SLC10A7: variants seen among roughly 807,000 people sequenced by gnomAD.
SLC10A7 encodes the protein sodium/bile acid cotransporter 7.
In SLC10A7, 29 loss-of-function variants were observed where a neutral mutation model predicts 43.2. That is an observed-to-expected ratio of 0.67 (90% CI 0.50 to 0.92). The LOEUF is 0.92. Among genes scored for constraint, SLC10A7 ranks in the 40% least tolerant of loss-of-function variants. The pLI is 0.00. For missense variants in SLC10A7, 295 were observed against 403.2 expected (o/e 0.73, Z 2.30); for synonymous variants, 152 against 144.8 (o/e 1.05, Z -0.35).
chr4:146,308,649 G>T (rs1731750581), intron 6 of SLC10A7, among the ~76,000 whole-genome samples: 1 of 152,082 alleles, frequency 6.6e-6, no homozygotes, highest in African/African-American at 2.4e-5. Flanking sequence ...GGTTCAGAAG[G>T]TTGTATCAAG....
chr4:146,366,253 A>AT (rs1736383029), intron 5 of SLC10A7, among the ~76,000 whole-genome samples: 1 of 152,164 alleles, frequency 6.6e-6, no homozygotes, highest in Non-Finnish European at 1.5e-5. Flanking sequence ...AATTTTTCTG[A>AT]TTTTTTAAAA....
intron 4 of SLC10A7, among the ~76,000 whole-genome samples, chr4:146,445,204 T>C (rs1478536219): frequency 2.0e-5 from 3 of 152,194 alleles, no homozygotes; most frequent in African/African-American, 2.4e-5. Context: ...CCCCCTCTTC[T>C]ACTTTGGTAA....
chr4:146,402,898 C>A (rs374011580), intron 5 of SLC10A7, among the ~76,000 whole-genome samples: 1 of 152,150 alleles, frequency 6.6e-6, no homozygotes, highest in Non-Finnish European at 1.5e-5. Flanking sequence ...TGGTTAAGAG[C>A]ACAGCTTCAA....
intron 6 of SLC10A7, among the ~76,000 whole-genome samples, chr4:146,318,125 A>C (rs1732452015): frequency 6.6e-6 from 1 of 151,754 alleles, no homozygotes; most frequent in Admixed American, 6.6e-5. Context: ...TATGCCACTA[A>C]TTTTCCCAAT....
intron 5 of SLC10A7, among the ~76,000 whole-genome samples, chr4:146,358,124 T>C (rs1735789709): frequency 6.6e-6 from 1 of 150,538 alleles, no homozygotes; most frequent in Admixed American, 6.6e-5. Flanking sequence ...TCAGAGGACA[T>C]CAAAGATAGA....
At chr4:146,294,916 A>G (rs1288028607) in intron 7 of SLC10A7, among the ~76,000 whole-genome samples, 1 of 152,202 alleles carries the variant, frequency 6.6e-6, no homozygotes, top group East Asian at 1.9e-4. Flanking sequence ...GAAGCTGTAC[A>G]AGTCCCATCA....
At chr4:146,312,087 A>G (rs911197207) in intron 6 of SLC10A7, among the ~76,000 whole-genome samples, 3 of 152,188 alleles carry the variant, frequency 2.0e-5, no homozygotes, top group Non-Finnish European at 4.4e-5. Flanking sequence ...GCATGCATCA[A>G]GCTAAAATTG....
chr4:146,286,026 G>A (rs1206565060), intron 9 of SLC10A7, among the ~76,000 whole-genome samples: 2 of 150,104 alleles, frequency 1.3e-5, no homozygotes, highest in Non-Finnish European at 1.5e-5. Context: ...TTGGAGTGGT[G>A]AGAAGGACTG....
chr4:146,472,922 C>A (rs1302365893), intron 4 of SLC10A7, among the ~76,000 whole-genome samples: 1 of 152,118 alleles, frequency 6.6e-6, no homozygotes, highest in Non-Finnish European at 1.5e-5. Context: ...AGGAATGAGA[C>A]TGAAATGTGA....
At chr4:146,309,572 T>C (rs376919774) in intron 6 of SLC10A7, among the ~76,000 whole-genome samples, 1 of 152,074 alleles carries the variant, frequency 6.6e-6, no homozygotes, top group Admixed American at 6.6e-5. Context: ...ATCTAGTACA[T>C]AGGGTGTGCT....
At chr4:146,388,563 C>T (rs909842917) in intron 5 of SLC10A7, among the ~76,000 whole-genome samples, 4 of 151,960 alleles carry the variant, frequency 2.6e-5, no homozygotes, top group African/African-American at 9.7e-5. Flanking sequence ...TCGAGACCAT[C>T]CTGGCTAACA....
At chr4:146,345,918 A>C (rs1734591146) in intron 5 of SLC10A7, among the ~76,000 whole-genome samples, 1 of 152,134 alleles carries the variant, frequency 6.6e-6, no homozygotes, top group African/African-American at 2.4e-5. Flanking sequence ...AAAAGAAGCC[A>C]ATAGATAAGC....
chr4:146,276,947 A>T (rs1390725531), intron 10 of SLC10A7, among the ~76,000 whole-genome samples: 1 of 150,416 alleles, frequency 6.6e-6, no homozygotes. Flanking sequence ...GTGAGACTCC[A>T]TCTAAAAAAA....
chr4:146,405,818 G>GT lies in SLC10A7; in HGVS notation c.435+36964dup, dbSNP rs536750473. Among the ~76,000 whole-genome samples, 1,167 of 146,378 alleles carry GT rather than the reference G, an allele frequency of 8.0e-3. 17 individuals carry two copies. The highest frequency in any genetic ancestry group is 0.024 in the Admixed American group (350 of 14,626). On this transcript the variant is annotated intron_variant, in intron 5 of 11. Coordinates refer to ENST00000335472, the MANE Select transcript of SLC10A7 (RefSeq NM_001029998.6). ...TATAATCTTGGAGGCAGAAGGAAGA[G>GT]TTTTTTTTTTTTGGCTCCCTTGCAA...
chr4:146,434,626 C>T (rs1337629755), intron 5 of SLC10A7, among the ~76,000 whole-genome samples: 1 of 152,160 alleles, frequency 6.6e-6, no homozygotes, highest in Non-Finnish European at 1.5e-5. Context: ...TGCAGTGGCA[C>T]GATCTCTGCT....
intron 4 of SLC10A7, among the ~76,000 whole-genome samples, chr4:146,462,110 T>C (rs1375044396): frequency 3.3e-5 from 5 of 152,100 alleles, no homozygotes; most frequent in Non-Finnish European, 7.4e-5. Flanking sequence ...TATTTTTCAA[T>C]AATTGCTATA....
chr4:146,338,677 T>G (rs1734057169), intron 5 of SLC10A7, among the ~76,000 whole-genome samples: 1 of 151,990 alleles, frequency 6.6e-6, no homozygotes, highest in Non-Finnish European at 1.5e-5. Context: ...AGCATTTTAG[T>G]GTCTCAAATT....
At position 146,431,323 on chromosome 4, in the gene SLC10A7, A is replaced by T. The variant is rs373636775; in HGVS notation, c.435+11460T>A. On this transcript the variant is annotated intron_variant, in intron 5 of 11. Coordinates refer to ENST00000335472, the MANE Select transcript of SLC10A7 (RefSeq NM_001029998.6). Reference sequence around the variant, plus strand: ...ACAGTGGCGAAAGCAACAAACAGAAATTGACTTCTTTAACAAGTGATACGA... The same window carrying T: ...ACAGTGGCGAAAGCAACAAACAGAATTTGACTTCTTTAACAAGTGATACGA... Among the ~76,000 whole-genome samples the T allele has an allele frequency of 2.2e-4, 33 of 152,276 alleles. 1 individual carries two copies. In the South Asian group the frequency reaches 6.0e-3, roughly 28 times the overall value.
rs929398568 is a variant in SLC10A7, at chr4:146,294,237, C to T, written c.556-142G>A. On this transcript the variant is annotated intron_variant, in intron 7 of 11. Coordinates refer to ENST00000335472, the MANE Select transcript of SLC10A7 (RefSeq NM_001029998.6). ...TGGCCACAGTGGATTTCAAAGCTTC[C>T]CTGCCACACTACTCTTCTTCTGGGG... 3 of 565,066 alleles carry T rather than the reference C, an allele frequency of 5.3e-6. No homozygotes were observed. In the African/African-American group the frequency reaches 5.6e-5, roughly 11 times the overall value. 35.0% of individuals were successfully genotyped at this position (565,066 alleles called of 1,614,324 possible).
Sources: gnomAD v4.1 joint callset for allele counts (sites outside exome capture counted in the v4.1 genomes callset) on GRCh38, gnomAD v4.1.1 for gene constraint, MANE v1.5 for transcripts, NCBI Gene and HGNC (gene_info 2026-07-23, HGNC 2026-07-21) for gene names.